Variants in HK1 observed in about 807,000 individuals in gnomAD.
HK1 encodes the protein hexokinase-1.
A neutral mutation model predicts 91.6 loss-of-function variants in HK1; 28 were observed. The ratio of observed to expected loss-of-function variants is 0.31; its 90% CI spans 0.23 to 0.42. The LOEUF (loss-of-function observed/expected upper bound fraction) is 0.42. Among genes scored for constraint, HK1 ranks in the 10% least tolerant of loss-of-function variants. The pLI, the probability that HK1 is intolerant of heterozygous loss-of-function variation, is 1.00. For missense variants in HK1, 770 were observed against 1,219.8 expected, an observed-to-expected ratio of 0.63 and a Z score of 5.49; for synonymous variants, 430 against 468.1, an observed-to-expected ratio of 0.92 and a Z score of 1.05.
intron 4 of HK1, chr10:69,300,542 G>A: frequency 1.4e-6 from 1 of 705,374 alleles, no homozygotes; most frequent in Non-Finnish European, 2.5e-6. Flanking sequence ...CCAGATGGAA[G>A]CAGATTATTC....
At chr10:69,271,848 A>G (rs561717337) in intron 1 of HK1, among the ~76,000 whole-genome samples, 19 of 151,352 alleles carry the variant, frequency 1.3e-4, no homozygotes, top group African/African-American at 4.1e-4. Flanking sequence ...AGATATGAAT[A>G]TATCTGTGAT....
chr10:69,365,363 C>T lies in HK1; in HGVS notation c.495+461C>T, dbSNP rs546990561. Among the ~76,000 whole-genome samples, 37 of 152,234 alleles carry T rather than the reference C, an allele frequency of 2.4e-4. No individual in the cohort carries two copies. The Middle Eastern group carries it at 0.01, about 42-fold the overall frequency. On this transcript the variant is annotated intron_variant, in intron 4 of 17. Transcript: ENST00000359426. ...GCTCCAGCCCCAGGGATGCCCTTGG[C>T]GACCTCCGAGGTGACTTGTTGTACC... is the stretch of plus-strand genomic sequence containing the variant.
chr10:69,311,924 C>T (rs116511599), upstream of HK1, among the ~76,000 whole-genome samples: 2,137 of 152,238 alleles, frequency 0.014, 49 homozygotes, highest in African/African-American at 0.049. Context: ...CGTGAGCCAC[C>T]GCGCTCGGCC....
intron 5 of HK1, among the ~76,000 whole-genome samples, chr10:69,303,966 T>C (rs989459276): frequency 3.3e-5 from 5 of 152,130 alleles, no homozygotes; most frequent in Admixed American, 6.5e-5. Flanking sequence ...TTGCACTGAG[T>C]CAGTTTCTGG....
Position 69,401,331 on chromosome 10 carries a change from G to T in HK1, c.*196G>T. On this transcript the variant is annotated 3_prime_UTR_variant, in exon 18 of 18. Transcript: ENST00000359426. ...GTGCTGTTGATAATATCTCTCACCCGGATCCCTCCTCACTTGCCCTGCCAC... is the reference window on the plus strand; with the variant it reads ...GTGCTGTTGATAATATCTCTCACCCTGATCCCTCCTCACTTGCCCTGCCAC... The T allele has an allele frequency of 1.5e-6, 1 of 649,998 alleles. No individual in the cohort carries two copies. The highest frequency in any genetic ancestry group is 2.7e-6 in the Non-Finnish European group (1 of 375,678). The allele number at this position is 649,998 out of a possible 1,614,324, so 40.3% of individuals were successfully genotyped here.
rs1384754754 is a variant in HK1 at position 69,384,439 on chromosome 10, C to T, written c.1677C>T (p.Ile559=). 1.2e-6 allele frequency: 2 copies of T among 1,614,130 alleles called. No individual in the cohort carries two copies. Among genetic ancestry groups the T allele is most frequent in the Admixed American group, 3.3e-5 (2 of 60,006 alleles). The change falls in exon 11 of 18, where the codon ATC becomes ATT. Residue 559 remains isoleucine, a synonymous_variant. Coordinates refer to ENST00000359426, the MANE Select transcript of HK1 (RefSeq NM_000188.3). The part of the protein sequence containing the change: ...KKRTVEMHNK[I]YAIPIEIMQG... ...GAACGGTGGAAATGCACAACAAGATCTACGCCATTCCTATTGAAATCATGC... is the reference window on the plus strand; with the variant it reads ...GAACGGTGGAAATGCACAACAAGATTTACGCCATTCCTATTGAAATCATGC...
chr10:69,310,993 G>GT (rs1846345489), upstream of HK1, among the ~76,000 whole-genome samples: 1 of 151,518 alleles, frequency 6.6e-6, no homozygotes, highest in Non-Finnish European at 1.5e-5. Context: ...GGAGGCGGAG[G>GT]TTGCAGTGAG....
Position 69,398,613 on chromosome 10 carries a change from C to G in HK1, c.2394C>G (p.Leu798=). 1 of 1,613,738 alleles carries G rather than the reference C, an allele frequency of 6.2e-7. No individual in the cohort carries two copies. The highest frequency in any genetic ancestry group is 1.6e-4 in the Middle Eastern group (1 of 6,062). Residue 798 remains leucine (L), a synonymous_variant, in exon 17 of 18, where the codon CTC becomes CTG. Coordinates refer to ENST00000359426, the MANE Select transcript of HK1 (RefSeq NM_000188.3). ...SQIESDRLAL[L]QVRAILQQLG... ...CCCACAGTGACCGATTAGCACTGCT[C>G]CAGGTCCGGGCTATCCTCCAGCAGC...
chr10:69,283,098 T>C (rs1167631159), intron 2 of HK1, among the ~76,000 whole-genome samples: 1 of 120,842 alleles, frequency 8.3e-6, no homozygotes, highest in Non-Finnish European at 1.6e-5. Context: ...CACTCCAGCC[T>C]GGGTGACAAG....
intron 15 of HK1, among the ~76,000 whole-genome samples, chr10:69,393,883 T>C (rs1411926973): frequency 1.3e-5 from 2 of 152,186 alleles, no homozygotes; most frequent in Non-Finnish European, 2.9e-5. Context: ...CTGTCTCTAC[T>C]AAAAATTAAT....
chr10:69,351,832 TG>T (rs1848891297), intron 2 of HK1, among the ~76,000 whole-genome samples: 1 of 152,168 alleles, frequency 6.6e-6, no homozygotes, highest in African/African-American at 2.4e-5. Flanking sequence ...CATAGGGTTG[TG>T]AAGATTGAAA....
At chr10:69,316,988 ATC>A, upstream of HK1, among the ~76,000 whole-genome samples, 1 of 152,186 alleles carries the variant, frequency 6.6e-6, no homozygotes, top group South Asian at 2.1e-4. Flanking sequence ...GTACCAGAAA[ATC>A]TCTCTCTTCC....
At chr10:69,337,398 A>C (rs1005948286) in intron 1 of HK1, among the ~76,000 whole-genome samples, 19 of 152,194 alleles carry the variant, frequency 1.2e-4, no homozygotes, top group Admixed American at 9.8e-4. Context: ...TGACAGGAGA[A>C]AGGGAACTAG....
At chr10:69,308,906 C>T (rs1016746020) in intron 5 of HK1, among the ~76,000 whole-genome samples, 1 of 152,192 alleles carries the variant, frequency 6.6e-6, no homozygotes, top group African/African-American at 2.4e-5. Flanking sequence ...AATGCTCGCT[C>T]ACCTGCTGCT....
At chr10:69,294,558 C>G (rs1845457450) in intron 3 of HK1, among the ~76,000 whole-genome samples, 1 of 151,948 alleles carries the variant, frequency 6.6e-6, no homozygotes, top group Admixed American at 6.6e-5. Context: ...TCCATCTGTA[C>G]AAAAACTAAA....
chr10:69,271,643 A>G (rs1844174653), intron 1 of HK1, among the ~76,000 whole-genome samples: 1 of 151,626 alleles, frequency 6.6e-6, no homozygotes, highest in African/African-American at 2.4e-5. Flanking sequence ...ACGCCCGGCT[A>G]ATTTTTTGCA....
chr10:69,287,359 C>T (rs917426098), intron 2 of HK1, among the ~76,000 whole-genome samples: 10 of 152,162 alleles, frequency 6.6e-5, no homozygotes, highest in African/African-American at 9.7e-5. Flanking sequence ...GGGGAACCGC[C>T]CCCATGATCC....
chr10:69,401,276 G>GTA lies in HK1; in HGVS notation c.*147_*148dup. On this transcript the variant is annotated 3_prime_UTR_variant, in exon 18 of 18. Coordinates refer to ENST00000359426, the MANE Select transcript of HK1 (RefSeq NM_000188.3). ...GGAGGAAAGCAAAATCCAACTAATG[G>GTA]TATATATTGTAGGGTACAGAATAGA... 1.2e-6 allele frequency: 1 copy of GTA among 858,842 alleles called. No individual in the cohort carries two copies. Among genetic ancestry groups the GTA allele is most frequent in the South Asian group, 1.4e-5 (1 of 69,220 alleles). 53.2% of individuals were successfully genotyped at this position (858,842 alleles called of 1,614,324 possible).
rs910889773 is a variant in HK1 at position 69,275,258 on chromosome 10, C to T, written c.-391+5150C>T. Among the ~76,000 whole-genome samples, 8 of 150,204 alleles carry T rather than the reference C, an allele frequency of 5.3e-5. No homozygotes were observed. In the East Asian group the frequency reaches 5.8e-4, roughly 11 times the overall value. ...TTTTAAGGCCGGGCACGGTGGCTCACGCCTGTAATCTCAGTACTTTGGGAG... is the reference window on the plus strand; with the variant it reads ...TTTTAAGGCCGGGCACGGTGGCTCATGCCTGTAATCTCAGTACTTTGGGAG... On this transcript the variant is annotated intron_variant, in intron 1 of 21. Transcript: ENST00000360289.
Sources: gnomAD v4.1 joint callset for allele counts (sites outside exome capture counted in the v4.1 genomes callset) on GRCh38, gnomAD v4.1.1 for gene constraint, MANE v1.5 for transcripts, NCBI Gene and HGNC (gene_info 2026-07-23, HGNC 2026-07-21) for gene names.